Variants in C3orf20 observed in about 807,000 individuals in gnomAD.
C3orf20 encodes uncharacterized protein C3orf20.
Under a neutral mutation model 88.3 loss-of-function variants are expected in C3orf20, and 76 were observed. The ratio of observed to expected loss-of-function variants is 0.86; its 90% CI spans 0.72 to 1.04. The LOEUF (loss-of-function observed/expected upper bound fraction) is 1.04, where lower values mean the gene tolerates loss of function less well. Ranked by LOEUF, C3orf20 falls within the 50% of genes least tolerant of loss-of-function variation. The pLI is 0.00. For synonymous variants in C3orf20, 436 were observed against 437.4 expected, an observed-to-expected ratio of 1.00 and a Z score of 0.04; for missense variants, 1,056 against 1,123.3, an observed-to-expected ratio of 0.94 and a Z score of 0.86.
chr3:14,721,672 T>C lies in C3orf20; in HGVS notation c.1454T>C (p.Leu485Pro). ...CTACAGGTGAATGAGGAAATGAAAC[T>C]AAAGGTACTGGGACAGGACTCCATC... The part of the protein sequence containing the change: ...LEYKVNEEMK[L>P]KVLGQDSITV... The change falls in exon 10 of 17, where the codon CTA becomes CCA. Residue 485 changes from leucine (L) to proline (P), a missense_variant. Physicochemically the swap from Leu to Pro is moderately conservative, Grantham distance 98 (BLOSUM62 -3). Coordinates refer to ENST00000253697, the MANE Select transcript of C3orf20 (RefSeq NM_032137.5). The C allele has an allele frequency of 6.2e-7, 1 of 1,614,152 alleles. No homozygotes were observed. Among genetic ancestry groups the C allele is most frequent in the Non-Finnish European group, 8.5e-7 (1 of 1,180,008 alleles).
intron 9 of C3orf20, among the ~76,000 whole-genome samples, chr3:14,716,289 G>A (rs763429062): frequency 6.6e-6 from 1 of 152,214 alleles, no homozygotes; most frequent in Non-Finnish European, 1.5e-5. Flanking sequence ...TAAGAACACA[G>A]GGTAGACACA....
At chr3:14,738,922 C>T (rs2034818288) in intron 12 of C3orf20, among the ~76,000 whole-genome samples, 1 of 150,270 alleles carries the variant, frequency 6.7e-6, no homozygotes, top group Non-Finnish European at 1.5e-5. Flanking sequence ...TCCCAAAGTG[C>T]CGGGATTACA....
At chr3:14,695,069 G>A (rs1014246603) in intron 5 of C3orf20, among the ~76,000 whole-genome samples, 1 of 152,158 alleles carries the variant, frequency 6.6e-6, no homozygotes, top group African/African-American at 2.4e-5. Flanking sequence ...GGGATTACAG[G>A]AGTAAGCCAC....
At chr3:14,696,086 G>T (rs1328104955) in intron 5 of C3orf20, among the ~76,000 whole-genome samples, 3 of 147,654 alleles carry the variant, frequency 2.0e-5, no homozygotes, top group Non-Finnish European at 4.5e-5. Context: ...TTTACTGAAG[G>T]TGATTTTCTC....
intron 15 of C3orf20, chr3:14,765,403 A>G (rs778686790): frequency 2.6e-5 from 4 of 152,226 alleles, no homozygotes. Flanking sequence ...TATGCTGGAA[A>G]CAGTCTCTGA....
chr3:14,728,025 T>C (rs2034414076), intron 11 of C3orf20, among the ~76,000 whole-genome samples: 1 of 151,988 alleles, frequency 6.6e-6, no homozygotes, highest in South Asian at 2.1e-4. Flanking sequence ...AGAATATAAA[T>C]AAATACAATA....
At position 14,689,979 on chromosome 3, in the gene C3orf20, C is replaced by G. The variant is rs199721807; in HGVS notation, c.626-18C>G. 6.3e-4 allele frequency: 1,019 copies of G among 1,613,936 alleles called. 2 individuals carry two copies. Among genetic ancestry groups the G allele is most frequent in the Non-Finnish European group, 8.2e-4 (963 of 1,179,920 alleles). On this transcript the variant is annotated intron_variant, in intron 4 of 16. Transcript: ENST00000253697. ...AAGTAAACAGTTGAAAGAAGAATCT[C>G]TCTCTCTCCCACTCCAGAGTCCCTC... is the stretch of plus-strand genomic sequence containing the variant.
Position 14,738,980 on chromosome 3 carries a change from G to A in C3orf20, c.1940+10292G>A, listed in dbSNP as rs1303598731. On this transcript the variant is annotated intron_variant, in intron 12 of 16. Transcript: ENST00000253697. ...CAATTTTTGTATTTTTAGTAGAGAC[G>A]GGGTTTCGCCATGTTGGTCAGGCTA... Among the ~76,000 whole-genome samples, 10 of 151,618 alleles carry A rather than the reference G, an allele frequency of 6.6e-5. 1 individual carries two copies. Among genetic ancestry groups the A allele is most frequent in the Admixed American group, 3.3e-4 (5 of 15,226 alleles).
intron 9 of C3orf20, among the ~76,000 whole-genome samples, chr3:14,720,855 C>T (rs1028160078): frequency 3.3e-5 from 5 of 152,186 alleles, no homozygotes; most frequent in African/African-American, 1.2e-4. Context: ...TCATTTGATC[C>T]TAATAATAGC....
In C3orf20 at chr3:14,757,694, G is replaced by A; in HGVS notation, c.2244+20G>A. ...ATCCAGGTTGGTCTGGGCCCAGTGAGGAGGCCCTGGAGGCCAGGGGCAGGG... is the reference window on the plus strand; with the variant it reads ...ATCCAGGTTGGTCTGGGCCCAGTGAAGAGGCCCTGGAGGCCAGGGGCAGGG... On this transcript the variant is annotated intron_variant, in intron 13 of 16. Coordinates refer to ENST00000253697, the MANE Select transcript of C3orf20 (RefSeq NM_032137.5). 2 of 1,595,358 alleles carry A rather than the reference G, an allele frequency of 1.3e-6. No individual in the cohort carries two copies. The highest frequency in any genetic ancestry group is 8.6e-7 in the Non-Finnish European group (1 of 1,168,954).
intron 14 of C3orf20, among the ~76,000 whole-genome samples, chr3:14,760,772 G>A (rs1192550109): frequency 1.3e-5 from 2 of 151,818 alleles, no homozygotes; most frequent in Non-Finnish European, 2.9e-5. Context: ...ATCATGCCCG[G>A]CTAATTTTTG....
intron 10 of C3orf20, among the ~76,000 whole-genome samples, chr3:14,726,047 A>G (rs561804610): frequency 2.0e-5 from 3 of 152,330 alleles, no homozygotes; most frequent in South Asian, 2.1e-4. Flanking sequence ...TGCCACTGAC[A>G]TGCCCCAGCT....
intron 9 of C3orf20, among the ~76,000 whole-genome samples, chr3:14,715,682 A>T (rs905685757): frequency 6.6e-6 from 1 of 152,218 alleles, no homozygotes; most frequent in African/African-American, 2.4e-5. Context: ...TTTATTATTA[A>T]TATTATTCTG....
chr3:14,702,486 G>A (rs55669719), intron 5 of C3orf20, among the ~76,000 whole-genome samples: 2,297 of 148,518 alleles, frequency 0.015, 45 homozygotes, highest in African/African-American at 0.054. Context: ...TGTCACCCAG[G>A]CTGGAGTGCA....
chr3:14,720,534 GT>G (rs1490562682), intron 9 of C3orf20, among the ~76,000 whole-genome samples: 262 of 5,276 alleles, frequency 0.05, no homozygotes, highest in Non-Finnish European at 0.076. Context: ...GCAGAGAGTG[GT>G]TGTTGTTGTT....
chr3:14,728,108 A>G (rs1425278110), intron 11 of C3orf20, among the ~76,000 whole-genome samples: 1 of 152,230 alleles, frequency 6.6e-6, no homozygotes, highest in Admixed American at 6.5e-5. Flanking sequence ...AAGGAATAGC[A>G]TGGGCCAGGA....
At chr3:14,759,298 T>TG (rs2035485422) in intron 13 of C3orf20, among the ~76,000 whole-genome samples, 1 of 152,106 alleles carries the variant, frequency 6.6e-6, no homozygotes, top group African/African-American at 2.4e-5. Context: ...GCAGATAAAA[T>TG]GGGAAGACAG....
intron 4 of C3orf20, among the ~76,000 whole-genome samples, chr3:14,685,094 A>G (rs2124891729): frequency 6.6e-6 from 1 of 152,376 alleles, no homozygotes; most frequent in South Asian, 2.1e-4. Context: ...TTTATCAACA[A>G]GAGAAAAAGA....
intron 5 of C3orf20, among the ~76,000 whole-genome samples, chr3:14,702,481 C>T (rs1236152267): frequency 1.3e-5 from 2 of 150,188 alleles, no homozygotes; most frequent in African/African-American, 4.9e-5. Flanking sequence ...CACTCTGTCA[C>T]CCAGGCTGGA....
Sources: gnomAD v4.1 joint callset for allele counts (sites outside exome capture counted in the v4.1 genomes callset) on GRCh38, gnomAD v4.1.1 for gene constraint, MANE v1.5 for transcripts, NCBI Gene and HGNC (gene_info 2026-07-23, HGNC 2026-07-21) for gene names.